The following FMNL2 variants were observed in gnomAD, a reference collection of about 807,000 sequenced individuals.
The protein encoded by FMNL2 is formin like 2.
Under a neutral mutation model 130.2 loss-of-function variants are expected in FMNL2, and 51 were observed. The ratio of observed to expected loss-of-function variants is 0.39; its 90% confidence interval spans 0.31 to 0.49. The LOEUF is 0.49. FMNL2 is among the 20% of genes least tolerant of loss of function. The pLI, the probability that FMNL2 is intolerant of heterozygous loss-of-function variation, is 0.85. For missense variants in FMNL2, 977 were observed against 1,316.2 expected, an observed-to-expected ratio of 0.74 and a Z score of 3.99; for synonymous variants, 465 against 467.1, an observed-to-expected ratio of 1.00 and a Z score of 0.06.
intron 1 of FMNL2, among the ~76,000 whole-genome samples, chr2:152,421,788 G>T (rs536249381): frequency 2.9e-4 from 44 of 152,160 alleles, no homozygotes; most frequent in Non-Finnish European, 5.3e-4. Context: ...TAGAAATTGC[G>T]TAAGTGTAGA....
At chr2:152,367,156 A>G (rs942169684) in intron 1 of FMNL2, among the ~76,000 whole-genome samples, 1 of 149,726 alleles carries the variant, frequency 6.7e-6, no homozygotes, top group African/African-American at 2.4e-5. Context: ...GCTCACTGCA[A>G]CCTCCGCCTC....
At chr2:152,627,591 A>T (rs1681880576) in intron 17 of FMNL2, among the ~76,000 whole-genome samples, 1 of 152,196 alleles carries the variant, frequency 6.6e-6, no homozygotes, top group South Asian at 2.1e-4. Context: ...CCTGAAGTGC[A>T]GCCTGGCTTT....
chr2:152,645,516 TAC>T (rs1313407463), intron 25 of FMNL2: 12 of 1,289,950 alleles, frequency 9.3e-6, no homozygotes, highest in Admixed American at 6.9e-5. Flanking sequence ...TGGTGGAGGA[TAC>T]ACAGAGCTGG....
chr2:152,427,889 C>T (rs971568168), intron 1 of FMNL2, among the ~76,000 whole-genome samples: 3 of 152,180 alleles, frequency 2.0e-5, no homozygotes, highest in Non-Finnish European at 4.4e-5. Flanking sequence ...TGCACATACC[C>T]TTGGCCACAC....
At chr2:152,416,201 G>T (rs1193147325) in intron 1 of FMNL2, among the ~76,000 whole-genome samples, 1 of 152,150 alleles carries the variant, frequency 6.6e-6, no homozygotes, top group Non-Finnish European at 1.5e-5. Context: ...AACCATAAGG[G>T]AAGAGGCAGA....
chr2:152,631,634 ATTGT>A (rs368565017), intron 20 of FMNL2, among the ~76,000 whole-genome samples: 16 of 152,186 alleles, frequency 1.1e-4, no homozygotes, highest in East Asian at 5.8e-4. Context: ...AATCTGATGA[ATTGT>A]TTATTTCTGG....
intron 15 of FMNL2, among the ~76,000 whole-genome samples, chr2:152,624,085 CT>C (rs1157327985): frequency 0.84 from 15,525 of 18,554 alleles, 7,058 homozygotes; most frequent in Non-Finnish European, 0.87. Context: ...ACTCAATTCC[CT>C]TCGCCTCCCC....
intron 9 of FMNL2, among the ~76,000 whole-genome samples, chr2:152,587,629 A>C (rs183205443): frequency 1.3e-5 from 2 of 152,198 alleles, no homozygotes; most frequent in Non-Finnish European, 2.9e-5. Context: ...AGCCATTTTC[A>C]TAGGATGTCC....
chr2:152,510,672 G>A (rs1409189561), intron 1 of FMNL2, among the ~76,000 whole-genome samples: 1 of 152,146 alleles, frequency 6.6e-6, no homozygotes, highest in African/African-American at 2.4e-5. Context: ...GGTCTTTTCC[G>A]CTACCACGAG....
At chr2:152,602,964 C>T (rs1415587566) in intron 9 of FMNL2, among the ~76,000 whole-genome samples, 3 of 152,184 alleles carry the variant, frequency 2.0e-5, no homozygotes, top group Non-Finnish European at 4.4e-5. Context: ...GCAGTATGAA[C>T]GAAGACAACT....
At chr2:152,573,164 C>G (rs1334247116) in intron 6 of FMNL2, among the ~76,000 whole-genome samples, 1 of 152,172 alleles carries the variant, frequency 6.6e-6, no homozygotes. Context: ...AAAAGAGAAA[C>G]TTGCTTACCA....
intron 1 of FMNL2, among the ~76,000 whole-genome samples, chr2:152,348,849 A>G (rs1381294668): frequency 1.9e-5 from 1 of 51,896 alleles, no homozygotes; most frequent in African/African-American, 1.1e-4. Context: ...TTTTTTTGAG[A>G]CGGAGTCTCG....
rs1340082323 is a variant in FMNL2 at position 152,521,935 on chromosome 2, T to A, written c.118-8T>A. ...GACATCTTTTCTCTCTTTATTTTTTTTAAACAGAATGCTATGAACCTACCT... is the reference window on the plus strand; with the variant it reads ...GACATCTTTTCTCTCTTTATTTTTTATAAACAGAATGCTATGAACCTACCT... On this transcript the variant is annotated splice_polypyrimidine_tract_variant and splice_region_variant and intron_variant, in intron 1 of 25. Coordinates refer to ENST00000288670, the MANE Select transcript of FMNL2 (RefSeq NM_052905.4). The A allele has an allele frequency of 6.2e-7, 1 of 1,610,496 alleles. No homozygotes were observed. Among genetic ancestry groups the A allele is most frequent in the Admixed American group, 1.7e-5 (1 of 59,892 alleles).
chr2:152,638,196 G>T (rs1682782228), intron 23 of FMNL2, among the ~76,000 whole-genome samples: 1 of 152,134 alleles, frequency 6.6e-6, no homozygotes, highest in Non-Finnish European at 1.5e-5. Context: ...TCAGTAAGTG[G>T]CCCTTCCTTT....
chr2:152,625,074 C>G (rs958184822), intron 15 of FMNL2: 2 of 177,992 alleles, frequency 1.1e-5, no homozygotes, highest in Non-Finnish European at 2.4e-5. Context: ...GCCCTCTCTG[C>G]TATCTAGTAA....
At chr2:152,371,843 A>G (rs959043861) in intron 1 of FMNL2, among the ~76,000 whole-genome samples, 2 of 152,058 alleles carry the variant, frequency 1.3e-5, no homozygotes, top group African/African-American at 4.8e-5. Context: ...ATGAGCTAGC[A>G]GACTTAGCCC....
intron 9 of FMNL2, among the ~76,000 whole-genome samples, chr2:152,590,254 A>G (rs1380282856): frequency 2.6e-5 from 4 of 151,720 alleles, no homozygotes; most frequent in African/African-American, 9.7e-5. Context: ...TGTGTCATGG[A>G]ATTCTTGATT....
rs371415310 is a variant in FMNL2, at chr2:152,617,138, T to G, written c.1260T>G (p.Ile420Met). The change falls in exon 13 of 26, where the codon ATT becomes ATG. Residue 420 changes from isoleucine (I) to methionine (M), a missense_variant. By Grantham distance (10) the Ile-to-Met change is conservative. Transcript: ENST00000288670. ...QDTENEAMSK[I>M]VELEKQLMQR... ...CAGAGAATGAAGCCATGTCCAAGAT[T>G]GTGGAACTGGAAAAGCAACTCATGC... The G allele has an allele frequency of 6.2e-7, 1 of 1,613,972 alleles. No individual in the cohort carries two copies. The highest frequency in any genetic ancestry group is 1.3e-5 in the African/African-American group (1 of 75,032).
At chr2:152,568,351 G>A (rs1253692770) in intron 6 of FMNL2, among the ~76,000 whole-genome samples, 2 of 151,726 alleles carry the variant, frequency 1.3e-5, no homozygotes, top group East Asian at 3.9e-4. Context: ...AAGTAGCTAG[G>A]ATTACAAGCA....
Sources: gnomAD v4.1 joint callset for allele counts (sites outside exome capture counted in the v4.1 genomes callset) on GRCh38, gnomAD v4.1.1 for gene constraint, MANE v1.5 for transcripts, NCBI Gene and HGNC (gene_info 2026-07-23, HGNC 2026-07-21) for gene names.